Variants in SYTL4 observed in about 807,000 individuals in gnomAD.
The protein encoded by SYTL4 is synaptotagmin like 4.
In SYTL4, 16 loss-of-function variants were observed where a neutral mutation model predicts 52.7. The observed-to-expected ratio is 0.30, with a 90% confidence interval of 0.21 to 0.46. The LOEUF (loss-of-function observed/expected upper bound fraction) is 0.46, where lower values mean the gene tolerates loss of function less well. SYTL4 is among the 20% of genes least tolerant of loss of function. The pLI is 1.00. For synonymous variants in SYTL4, 160 were observed against 186.6 expected, an observed-to-expected ratio of 0.86 and a Z score of 1.16; for missense variants, 423 against 519.9, an observed-to-expected ratio of 0.81 and a Z score of 1.81.
intron 2 of SYTL4, among the ~76,000 whole-genome samples, chrX:100,723,410 G>A (rs984037945): frequency 5.3e-5 from 6 of 112,284 alleles, no homozygotes; most frequent in African/African-American, 1.3e-4. Flanking sequence ...ACGGAGTGTC[G>A]TTCACTCAGT....
At chrX:100,697,436 A>G (rs2083727279) in intron 8 of SYTL4, among the ~76,000 whole-genome samples, 1 of 112,517 alleles carries the variant, frequency 8.9e-6, no homozygotes, top group South Asian at 3.7e-4. Context: ...AAAGATACAG[A>G]CAAAACTTCC....
chrX:100,688,567 T>A, intron 12 of SYTL4, 124 bp from the exon 13 acceptor site: 1 of 412,947 alleles, frequency 2.4e-6, no homozygotes, highest in Non-Finnish European at 3.7e-6. Flanking sequence ...ATACTTCTTT[T>A]TTTTTTTTTT....
At position 100,698,382 on chromosome X, in the gene SYTL4, A is replaced by C. The variant is rs373725434; in HGVS notation, c.539+2515T>G. Among the ~76,000 whole-genome samples the C allele has an allele frequency of 2.2e-3, 241 of 112,068 alleles. 1 individual carries two copies. The highest frequency in any genetic ancestry group is 9.2e-3 in the South Asian group (24 of 2,619). Reference sequence around the variant, plus strand: ...CCTCCCAAAGTGCTGGGATTACAGGAGTGAGCCACTGTGCCCAGCCCTTAA... The same window carrying C: ...CCTCCCAAAGTGCTGGGATTACAGGCGTGAGCCACTGTGCCCAGCCCTTAA... On this transcript the variant is annotated intron_variant, in intron 8 of 19. Coordinates refer to ENST00000372989, the MANE Select transcript of SYTL4 (RefSeq NM_001370165.1).
chrX:100,693,034 G>A (rs961604085), intron 8 of SYTL4, among the ~76,000 whole-genome samples: 1 of 111,822 alleles, frequency 8.9e-6, no homozygotes, highest in Admixed American at 9.5e-5. Context: ...GGGTTCAAGC[G>A]ATCTCCTGCC....
chrX:100,680,709 CA>C (rs1428031626), intron 17 of SYTL4, among the ~76,000 whole-genome samples: 10 of 112,205 alleles, frequency 8.9e-5, no homozygotes, highest in Non-Finnish European at 1.5e-4. Context: ...GTTACTTCTT[CA>C]AAGCTCTCCC....
At chrX:100,682,932 G>A (rs1044738036) in intron 16 of SYTL4, among the ~76,000 whole-genome samples, 3 of 110,646 alleles carry the variant, frequency 2.7e-5, no homozygotes, top group African/African-American at 9.9e-5. Context: ...CACATAGTAG[G>A]TGCTCCACAA....
intron 8 of SYTL4, among the ~76,000 whole-genome samples, chrX:100,699,125 G>A (rs1418083358): frequency 9.0e-6 from 1 of 111,240 alleles, no homozygotes; most frequent in East Asian, 2.8e-4. Context: ...CCAACATTTT[G>A]GGAGACCAAG....
At position 100,675,915 on chromosome X, in the gene SYTL4, CACACATACACACAT is replaced by C; in HGVS notation, c.*99_*112del. The C allele has an allele frequency of 3.1e-6, 2 of 651,863 alleles. No individual in the cohort carries two copies. Among genetic ancestry groups the C allele is most frequent in the Non-Finnish European group, 4.5e-6 (2 of 446,216 alleles). 53.7% of individuals were successfully genotyped at this position (651,863 alleles called of 1,213,427 possible). A position where few individuals can be genotyped will look rare whatever the true frequency, so the allele number is the denominator to read the frequency against. On this transcript the variant is annotated 3_prime_UTR_variant, in exon 20 of 20. Transcript: ENST00000372989. Reference sequence around the variant, plus strand: ...ACACATACACACACACACACACACACACACATACACACATACACACATACACATTAAATTATAAA... The same window carrying C: ...ACACATACACACACACACACACACACACACACATACACATTAAATTATAAA...
chrX:100,725,410 C>T (rs1386447989), intron 2 of SYTL4, among the ~76,000 whole-genome samples: 1 of 112,188 alleles, frequency 8.9e-6, no homozygotes, highest in Non-Finnish European at 1.9e-5. Flanking sequence ...AAAAGTTTCA[C>T]TCTTACTGGC....
intron 2 of SYTL4, among the ~76,000 whole-genome samples, chrX:100,728,115 C>G (rs1169553754): frequency 8.9e-6 from 1 of 111,973 alleles, no homozygotes; most frequent in African/African-American, 3.3e-5. Flanking sequence ...AGTCCAGGGA[C>G]TGAACCCCAG....
chrX:100,724,460 C>A (rs1180084024), intron 2 of SYTL4, among the ~76,000 whole-genome samples: 4 of 104,916 alleles, frequency 3.8e-5, no homozygotes, highest in African/African-American at 1.4e-4. Flanking sequence ...ATTGAGAAAT[C>A]GGATGGTTGC....
intron 2 of SYTL4, among the ~76,000 whole-genome samples, chrX:100,717,789 G>A (rs142942691): frequency 8.9e-6 from 1 of 111,923 alleles, no homozygotes; most frequent in East Asian, 2.8e-4. Flanking sequence ...GCATATTAAA[G>A]ACATTACACG....
At chrX:100,722,091 C>T (rs1489407302) in intron 2 of SYTL4, among the ~76,000 whole-genome samples, 1 of 111,569 alleles carries the variant, frequency 9.0e-6, no homozygotes, top group Non-Finnish European at 1.9e-5. Context: ...TGTGAGCCAC[C>T]GCACCCAGCC....
At chrX:100,701,788 C>CA in intron 5 of SYTL4, 115 bp from the exon 6 acceptor site, 3 of 857,377 alleles carry the variant, frequency 3.5e-6, no homozygotes, top group South Asian at 4.7e-5. Context: ...GCAACAAACT[C>CA]AGAGCCCAGC....
At chrX:100,689,171 A>G (rs186834143) in intron 12 of SYTL4, among the ~76,000 whole-genome samples, 102 of 103,759 alleles carry the variant, frequency 9.8e-4, no homozygotes, top group African/African-American at 3.5e-3. Flanking sequence ...CTAGGAGTTC[A>G]AGACCAGGCT....
rs1473541948 is a variant in SYTL4, at chrX:100,689,906, C to A, written c.862G>T (p.Gly288Cys). ...GATTTGCTTCTGTCTCCCAAGGAGC[C>A]ACTTTCATGTACCACATCTTCTGGG... ...LRPEDVVHESGSLGDRSKSVP... is the reference protein window; with the variant it reads ...LRPEDVVHESCSLGDRSKSVP... Residue 288 changes from glycine (G) to cysteine (C), a missense_variant, in exon 12 of 20, where the codon GGC becomes TGC. Physicochemically the swap from Gly to Cys is radical, Grantham distance 159. Transcript: ENST00000372989. The A allele has an allele frequency of 1.3e-5, 16 of 1,210,646 alleles. No individual in the cohort carries two copies. The highest frequency in any genetic ancestry group is 1.8e-5 in the Non-Finnish European group (16 of 894,668).
intron 8 of SYTL4, among the ~76,000 whole-genome samples, chrX:100,694,872 C>G (rs1200927123): frequency 8.9e-6 from 1 of 112,039 alleles, no homozygotes; most frequent in Admixed American, 9.5e-5. Context: ...TCTGTGAAAA[C>G]AGACAGCAGG....
intron 16 of SYTL4, among the ~76,000 whole-genome samples, chrX:100,682,333 T>C (rs1185734967): frequency 9.0e-6 from 1 of 111,059 alleles, no homozygotes; most frequent in Non-Finnish European, 1.9e-5. Context: ...GAGAATAGTA[T>C]ATATCATTTG....
At chrX:100,724,181 C>T (rs1212689497) in intron 2 of SYTL4, among the ~76,000 whole-genome samples, 5 of 94,581 alleles carry the variant, frequency 5.3e-5, no homozygotes, top group African/African-American at 8.1e-5. Flanking sequence ...CCGCCCCGTC[C>T]GGGAGGGAGG....
Sources: allele counts gnomAD v4.1 joint callset (sites outside exome capture counted in the v4.1 genomes callset), GRCh38; gene constraint gnomAD v4.1.1; transcripts MANE v1.5; gene names NCBI Gene and HGNC (gene_info 2026-07-23, HGNC 2026-07-21).